Variants in RAB31 observed in about 807,000 individuals in gnomAD.
RAB31 encodes ras-related protein Rab-31.
In RAB31, 21 loss-of-function variants were observed where a neutral mutation model predicts 25.6. The ratio of observed to expected loss-of-function variants is 0.82; its 90% CI spans 0.58 to 1.18. RAB31 has a LOEUF of 1.18. Ranked by LOEUF, RAB31 falls within the 50% of genes most tolerant of loss-of-function variation. The pLI, the probability that RAB31 is intolerant of heterozygous loss-of-function variation, is 0.00. For missense variants in RAB31, 196 were observed against 250.1 expected, an observed-to-expected ratio of 0.78 and a Z score of 1.46; for synonymous variants, 87 against 84.0, an observed-to-expected ratio of 1.04 and a Z score of -0.20.
chr18:9,733,785 C>A (rs532335804), intron 1 of RAB31, among the ~76,000 whole-genome samples: 172 of 152,016 alleles, frequency 1.1e-3, no homozygotes, highest in Non-Finnish European at 1.9e-3. Flanking sequence ...GCCCATCCTT[C>A]CCTCAAGACT....
At chr18:9,763,249 C>G (rs1025306999) in intron 1 of RAB31, among the ~76,000 whole-genome samples, 21 of 152,034 alleles carry the variant, frequency 1.4e-4, no homozygotes, top group African/African-American at 4.8e-4. Flanking sequence ...ACGCTAAGGC[C>G]TAATCAAACA....
chr18:9,819,032 C>A (rs2068612884), intron 5 of RAB31, among the ~76,000 whole-genome samples: 1 of 152,120 alleles, frequency 6.6e-6, no homozygotes, highest in Non-Finnish European at 1.5e-5. Context: ...ATAAAAGTCT[C>A]TTATCAAACA....
intron 1 of RAB31, among the ~76,000 whole-genome samples, chr18:9,724,296 A>AAAAC (rs1568162636): frequency 2.0e-5 from 3 of 147,900 alleles, no homozygotes; most frequent in African/African-American, 2.6e-5. Flanking sequence ...AACAAAAAAA[A>AAAAC]AACATTATTA....
intron 1 of RAB31, among the ~76,000 whole-genome samples, chr18:9,754,207 A>G (rs962049417): frequency 6.6e-6 from 1 of 152,226 alleles, no homozygotes; most frequent in African/African-American, 2.4e-5. Flanking sequence ...TGTGAGTTCC[A>G]TGTTTGTGGA....
At chr18:9,741,902 GGGTCCCCA>G (rs2068181498) in intron 1 of RAB31, among the ~76,000 whole-genome samples, 1 of 152,206 alleles carries the variant, frequency 6.6e-6, no homozygotes, top group Admixed American at 6.5e-5. Context: ...TGGTGTGGCA[GGGTCCCCA>G]GGGACCCAGA....
At chr18:9,756,027 G>T (rs1006778001) in intron 1 of RAB31, among the ~76,000 whole-genome samples, 1 of 152,232 alleles carries the variant, frequency 6.6e-6, no homozygotes, top group Non-Finnish European at 1.5e-5. Context: ...ATTCATTGAT[G>T]ACTTTTATTT....
intron 1 of RAB31, among the ~76,000 whole-genome samples, chr18:9,723,173 G>A (rs1337076489): frequency 1.3e-5 from 2 of 151,968 alleles, no homozygotes; most frequent in African/African-American, 2.4e-5. Context: ...TCATCCTCCC[G>A]AGTAGCTGGG....
At chr18:9,796,566 T>G (rs2036509879) in intron 3 of RAB31, among the ~76,000 whole-genome samples, 1 of 152,172 alleles carries the variant, frequency 6.6e-6, no homozygotes, top group Non-Finnish European at 1.5e-5. Context: ...TTTACCCAAA[T>G]TAAGTATTAT....
intron 1 of RAB31, among the ~76,000 whole-genome samples, chr18:9,759,955 CCG>C (rs2068279569): frequency 6.6e-6 from 1 of 151,962 alleles, no homozygotes; most frequent in Non-Finnish European, 1.5e-5. Flanking sequence ...AAGGTGGTCC[CCG>C]TGAGCACGTT....
At chr18:9,847,301 G>T (rs1193108649) in intron 6 of RAB31, among the ~76,000 whole-genome samples, 1 of 152,184 alleles carries the variant, frequency 6.6e-6, no homozygotes, top group Non-Finnish European at 1.5e-5. Flanking sequence ...TAGCTCCTGA[G>T]GACGATTGCC....
chr18:9,786,516 A>G (rs1235342211), intron 2 of RAB31, among the ~76,000 whole-genome samples: 1 of 152,218 alleles, frequency 6.6e-6, no homozygotes, highest in African/African-American at 2.4e-5. Context: ...GTGTCTGTGG[A>G]GGAGCACTCT....
chr18:9,846,706 A>G (rs1174036526), intron 6 of RAB31, among the ~76,000 whole-genome samples: 1 of 152,170 alleles, frequency 6.6e-6, no homozygotes, highest in Non-Finnish European at 1.5e-5. Flanking sequence ...GCTTCCCAGA[A>G]CAGTTTTGAT....
intron 5 of RAB31, among the ~76,000 whole-genome samples, chr18:9,840,417 C>T (rs1465061148): frequency 1.3e-5 from 2 of 152,192 alleles, no homozygotes; most frequent in African/African-American, 4.8e-5. Context: ...GCCGTACCCT[C>T]CCATAATCGT....
intron 3 of RAB31, among the ~76,000 whole-genome samples, chr18:9,810,487 T>C (rs561447989): frequency 6.6e-6 from 1 of 152,326 alleles, no homozygotes; most frequent in Non-Finnish European, 1.5e-5. Context: ...GGTCAATGCA[T>C]TATTGGGTTT....
At position 9,801,984 on chromosome 18, in the gene RAB31, A is replaced by G. The variant is rs934031607; in HGVS notation, c.201+9749A>G. Among the ~76,000 whole-genome samples the G allele has an allele frequency of 6.6e-5, 10 of 152,354 alleles. No homozygotes were observed. In the East Asian group the frequency reaches 1.2e-3, roughly 18 times the overall value. ...CATCTTTACTGAAAATCACCTGACC[A>G]TAAATTTGAGGCTCTGATTCTGGAC... On this transcript the variant is annotated intron_variant, in intron 3 of 6. Transcript: ENST00000578921.
intron 2 of RAB31, among the ~76,000 whole-genome samples, chr18:9,788,154 G>A (rs985002402): frequency 2.6e-5 from 4 of 152,174 alleles, no homozygotes; most frequent in South Asian, 2.1e-4. Context: ...TAAAAGGGAC[G>A]AAAATCCAGA....
chr18:9,730,109 T>G (rs927283542), intron 1 of RAB31, among the ~76,000 whole-genome samples: 3 of 152,214 alleles, frequency 2.0e-5, no homozygotes, highest in Admixed American at 2.0e-4. Flanking sequence ...CCAGCTCCTC[T>G]CTATAGCATC....
In RAB31 at chr18:9,708,369, A is replaced by C. The variant is rs774770033; in HGVS notation, c.-37A>C. 5.3e-6 allele frequency: 8 copies of C among 1,500,216 alleles called. No homozygotes were observed. The highest frequency in any genetic ancestry group is 7.1e-6 in the Non-Finnish European group (8 of 1,119,064). The allele number at this position is 1,500,216 out of a possible 1,614,324, so 92.9% of individuals were successfully genotyped here. A position where few individuals can be genotyped will look rare whatever the true frequency, so the allele number is the denominator to read the frequency against. On this transcript the variant is annotated 5_prime_UTR_variant, in exon 1 of 7. The change abolishes an upstream ATG in the 5' untranslated region. Coordinates refer to ENST00000578921, the MANE Select transcript of RAB31 (RefSeq NM_006868.4). This position sits in a 1 kb window ranked among gnomAD's most constrained non-coding sequence, Gnocchi z 6.4. ...GGCGCGGGCGCGGCGGCCCCGGAGG[A>C]TGCTGCTGAGCCCCGGCACTGCCTG...
At chr18:9,728,423 A>G (rs993400179) in intron 1 of RAB31, among the ~76,000 whole-genome samples, 1 of 152,260 alleles carries the variant, frequency 6.6e-6, no homozygotes, top group Admixed American at 6.5e-5. Context: ...ATTGATATCT[A>G]AAAAGATATT....
Sources: allele counts gnomAD v4.1 joint callset (sites outside exome capture counted in the v4.1 genomes callset), GRCh38; gene constraint gnomAD v4.1.1; non-coding constraint Gnocchi (gnomAD v3.1); transcripts MANE v1.5; gene names NCBI Gene and HGNC (gene_info 2026-07-23, HGNC 2026-07-21).